The following STAT5B variants were observed in gnomAD, a reference collection of about 807,000 sequenced individuals.
The protein encoded by STAT5B is signal transducer and activator of transcription 5B, also known as transcription factor STAT5B.
A neutral mutation model predicts 107.8 loss-of-function variants in STAT5B; 21 were observed. That is an observed-to-expected ratio of 0.19 (90% CI 0.14 to 0.28). STAT5B has a LOEUF of 0.28. Among genes scored for constraint, STAT5B ranks in the 10% least tolerant of loss-of-function variants. The pLI is 1.00. For synonymous variants in STAT5B, 325 were observed against 401.7 expected, an observed-to-expected ratio of 0.81 and a Z score of 2.28; for missense variants, 565 against 1,008.2, an observed-to-expected ratio of 0.56 and a Z score of 5.95.
chr17:42,232,129 G>T lies in STAT5B; in HGVS notation c.-2C>A, dbSNP rs754494821. 7.4e-6 allele frequency: 12 copies of T among 1,613,862 alleles called. 1 individual carries two copies. In the South Asian group the frequency reaches 1.3e-4, roughly 18 times the overall value. On this transcript the variant is annotated 5_prime_UTR_variant, in exon 2 of 19. Transcript: ENST00000293328. ...CTGAGCTTGTATCCACACAGCCATG[G>T]TTTACAATCTGTTGAACAAACAATC...
At position 42,200,456 on chromosome 17, in the gene STAT5B, G is replaced by A. The variant is rs2080035018; in HGVS notation, c.*1282C>T. On this transcript the variant is annotated 3_prime_UTR_variant, in exon 19 of 19. Coordinates refer to ENST00000293328, the MANE Select transcript of STAT5B (RefSeq NM_012448.4). The stretch of plus-strand genomic sequence containing the variant: ...AAGTCGTGGAACAAAATTATACCGA[G>A]GCTTTTTTTGTTTTGTTTTATACTT... The A allele has an allele frequency of 1.3e-5, 2 of 152,666 alleles. 1 individual carries two copies. Among genetic ancestry groups the A allele is most frequent in the South Asian group, 4.1e-4 (2 of 4,830 alleles). 9.5% of individuals were successfully genotyped at this position (152,666 alleles called of 1,614,324 possible). A position where few individuals can be genotyped will look rare whatever the true frequency, so the allele number is the denominator to read the frequency against.
intron 1 of STAT5B, among the ~76,000 whole-genome samples, chr17:42,246,361 G>C (rs1166474008): frequency 1.3e-5 from 2 of 151,804 alleles, no homozygotes; most frequent in Non-Finnish European, 2.9e-5. Flanking sequence ...ATTTTAAGTA[G>C]AACATTCAGA....
At chr17:42,231,466 C>T (rs1424149648) in intron 2 of STAT5B, among the ~76,000 whole-genome samples, 1 of 152,050 alleles carries the variant, frequency 6.6e-6, no homozygotes, top group African/African-American at 2.4e-5. Flanking sequence ...CTCAGCCTCC[C>T]AAGTAGCTGG....
chr17:42,217,304 T>C, intron 10 of STAT5B, 22 bp from the exon 11 acceptor site: 1 of 1,614,186 alleles, frequency 6.2e-7, no homozygotes, highest in Non-Finnish European at 8.5e-7. Context: ...AAACATAAGA[T>C]GAAACGTAAG....
chr17:42,280,444 T>C (rs2080790930), upstream of STAT5B, among the ~76,000 whole-genome samples: 1 of 152,166 alleles, frequency 6.6e-6, no homozygotes, highest in South Asian at 2.1e-4. Context: ...GGAACGTCAC[T>C]GAAGCCACAA....
At chr17:42,238,121 TCCATCC>T (rs2080371541) in intron 1 of STAT5B, among the ~76,000 whole-genome samples, 1 of 151,200 alleles carries the variant, frequency 6.6e-6, no homozygotes, top group Admixed American at 6.6e-5. Context: ...CATCCATCCA[TCCATCC>T]ATCCATCCAT....
Position 42,202,436 on chromosome 17 carries a change from G to A in STAT5B, c.2141C>T (p.Ala714Val). 3 of 1,614,184 alleles carry A rather than the reference G, an allele frequency of 1.9e-6. No individual in the cohort carries two copies. Among genetic ancestry groups the A allele is most frequent in the South Asian group, 2.2e-5 (2 of 91,088 alleles). ...GCTGCCGCCCCCGGCATCTGCAGAT[G>A]CGTTCACAAACCTGCAGAAGGAAGA... Reference protein sequence around the residue: ...IKQVVPEFVNASADAGGGSAT... With the variant: ...IKQVVPEFVNVSADAGGGSAT... The change falls in exon 18 of 19, where the codon GCA (alanine) becomes GTA (valine). Residue 714 changes from alanine (A) to valine (V), a missense_variant. Ala to Val is a moderately conservative substitution (Grantham distance 64). Transcript: ENST00000293328.
intron 1 of STAT5B, among the ~76,000 whole-genome samples, chr17:42,267,648 A>G (rs2080685000): frequency 6.6e-6 from 1 of 152,208 alleles, no homozygotes; most frequent in Non-Finnish European, 1.5e-5. Flanking sequence ...ACTACAAAAG[A>G]GTTTAAAAGT....
chr17:42,255,794 TA>T (rs960471609), intron 1 of STAT5B, among the ~76,000 whole-genome samples: 4 of 152,180 alleles, frequency 2.6e-5, no homozygotes, highest in Admixed American at 1.3e-4. Flanking sequence ...AACTGTACTT[TA>T]AAACAGTGAA....
At chr17:42,248,773 C>A (rs764820425) in intron 1 of STAT5B, among the ~76,000 whole-genome samples, 1 of 152,234 alleles carries the variant, frequency 6.6e-6, no homozygotes, top group African/African-American at 2.4e-5. Context: ...CGAAGAGCAG[C>A]GATTTCCTTC....
At chr17:42,287,509 G>C in the STAT5B span, 1 of 152,520 alleles carries the variant, frequency 6.6e-6, no homozygotes. Context: ...CTTGGGCCTC[G>C]TGGGAAGGGG....
At chr17:42,279,654 G>T (rs180721876), upstream of STAT5B, among the ~76,000 whole-genome samples, 53 of 152,258 alleles carry the variant, frequency 3.5e-4, no homozygotes, top group Non-Finnish European at 1.5e-5. Flanking sequence ...GGGCATGGTG[G>T]TGCCATTACA....
intron 1 of STAT5B, among the ~76,000 whole-genome samples, chr17:42,232,776 C>A (rs1410176395): frequency 1.3e-5 from 2 of 150,792 alleles, no homozygotes; most frequent in Non-Finnish European, 2.9e-5. Flanking sequence ...ATATTCTTTA[C>A]TTTTGTTCAA....
upstream of STAT5B, among the ~76,000 whole-genome samples, chr17:42,279,027 G>A (rs2080784370): frequency 6.6e-6 from 1 of 151,198 alleles, no homozygotes; most frequent in African/African-American, 2.4e-5. Flanking sequence ...ATATTGCCTG[G>A]GCTGTTCAAG....
intron 2 of STAT5B, among the ~76,000 whole-genome samples, chr17:42,231,410 T>G (rs2080316570): frequency 6.6e-6 from 1 of 152,294 alleles, no homozygotes; most frequent in Non-Finnish European, 1.5e-5. Flanking sequence ...GGTGTGATCA[T>G]GGGTTACAGC....
intron 1 of STAT5B, chr17:42,271,496 A>T (rs1410623725): frequency 2.0e-5 from 3 of 152,254 alleles, no homozygotes; most frequent in African/African-American, 7.2e-5. Context: ...AGTATAATTT[A>T]AAAAATGAGT....
chr17:42,251,058 GATT>G (rs1211393186), intron 1 of STAT5B, among the ~76,000 whole-genome samples: 1 of 150,818 alleles, frequency 6.6e-6, no homozygotes. Context: ...AATACAAAAA[GATT>G]ATTTGACAAT....
chr17:42,277,740 A>ATCTTTTCTTTT (rs1198052400), upstream of STAT5B, among the ~76,000 whole-genome samples: 2 of 148,170 alleles, frequency 1.3e-5, no homozygotes, highest in African/African-American at 5.0e-5. Context: ...TTTCTCTTTT[A>ATCTTTTCTTTT]TCTTTTCTTT....
intron 11 of STAT5B, 121 bp from the exon 12 acceptor site, chr17:42,216,227 C>A: frequency 1.2e-6 from 1 of 843,974 alleles, no homozygotes; most frequent in Non-Finnish European, 1.9e-6. Context: ...ATGTTCCTCT[C>A]AGACACAGAA....
Sources: allele counts gnomAD v4.1 joint callset (sites outside exome capture counted in the v4.1 genomes callset), GRCh38; gene constraint gnomAD v4.1.1; transcripts MANE v1.5; gene names NCBI Gene and HGNC (gene_info 2026-07-23, HGNC 2026-07-21).